SUCO: variants seen among roughly 807,000 people sequenced by gnomAD.
SUCO encodes the protein SUN domain-containing ossification factor.
In SUCO, 57 loss-of-function variants were observed where a neutral mutation model predicts 148.1. The observed-to-expected ratio is 0.38, with a 90% CI of 0.31 to 0.48. The LOEUF (loss-of-function observed/expected upper bound fraction) is 0.48. Ranked by LOEUF, SUCO falls within the 20% of genes least tolerant of loss-of-function variation. The probability of loss-of-function intolerance (pLI) is 0.96; values close to 1 mark genes in which losing one functional copy is unlikely to be tolerated. For synonymous variants in SUCO, 470 were observed against 502.7 expected (o/e 0.93, Z 0.87); for missense variants, 1,331 against 1,468.2 (o/e 0.91, Z 1.53).
At chr1:172,576,955 C>T (rs1471613700) in intron 11 of SUCO, 6 of 683,044 alleles carry the variant, frequency 8.8e-6, no homozygotes, top group African/African-American at 5.9e-5. Context: ...AGCATACATT[C>T]GAAAGGCCAA....
intron 15 of SUCO, 28 bp from the exon 16 acceptor site, chr1:172,584,990 T>C: frequency 1.4e-6 from 2 of 1,416,302 alleles, no homozygotes; most frequent in Non-Finnish European, 2.0e-6. Flanking sequence ...AGGTATTTGG[T>C]ACTTTTTCTG....
intron 9 of SUCO, among the ~76,000 whole-genome samples, chr1:172,571,557 C>G (rs1343573338): frequency 1.3e-5 from 2 of 148,276 alleles, no homozygotes; most frequent in South Asian, 4.4e-4. Context: ...GCCTGGCTGC[C>G]CAGTCTGGAA....
chr1:172,587,448 AT>A (rs1238860790), intron 17 of SUCO, among the ~76,000 whole-genome samples: 1 of 151,994 alleles, frequency 6.6e-6, no homozygotes, highest in African/African-American at 2.4e-5. Context: ...TGTATTCAGT[AT>A]TTTTTACCAA....
intron 3 of SUCO, 115 bp downstream of exon 3, chr1:172,553,485 C>T: frequency 1.7e-6 from 1 of 576,382 alleles, no homozygotes; most frequent in Non-Finnish European, 2.8e-6. Flanking sequence ...CTTTGAGGTA[C>T]TCTGTAACTG....
chr1:172,555,691 G>A, intron 3 of SUCO, 178 bp from the exon 4 acceptor site: 1 of 232,572 alleles, frequency 4.3e-6, no homozygotes, highest in Non-Finnish European at 7.1e-6. Context: ...ATTTTCATAT[G>A]AAATGCATTC....
rs187800033 is a variant in SUCO, at chr1:172,541,533, G to T, written c.62+8036G>T. Among the ~76,000 whole-genome samples, 540 of 152,332 alleles carry T rather than the reference G, an allele frequency of 3.5e-3. 2 individuals are homozygous for T. Among genetic ancestry groups the T allele is most frequent in the African/African-American group, 0.013 (520 of 41,574 alleles). On this transcript the variant is annotated intron_variant, in intron 1 of 23. Coordinates refer to ENST00000263688, the MANE Select transcript of SUCO (RefSeq NM_014283.5). The stretch of plus-strand genomic sequence containing the variant: ...ACTTCATCTTGGCAGTAGAAATAAA[G>T]AACAGGGTACAATAAATAGAGATTT...
intron 8 of SUCO, 148 bp from the exon 9 acceptor site, chr1:172,570,515 T>A (rs1558189661): frequency 3.2e-6 from 2 of 619,292 alleles, no homozygotes; most frequent in Non-Finnish European, 5.7e-6. Context: ...TTAGCCACTT[T>A]TATGCTTTTT....
chr1:172,569,038 C>T lies in SUCO; in HGVS notation c.752C>T (p.Pro251Leu). 1 of 1,586,192 alleles carries T rather than the reference C, an allele frequency of 6.3e-7. No individual in the cohort carries two copies. The change falls in exon 7 of 24, where the codon CCA (proline) becomes CTA (leucine). Residue 251 changes from proline (P) to leucine (L), a missense_variant. By Grantham distance (98) the Pro-to-Leu change is moderately conservative (BLOSUM62 -3). Around this residue, in one of 3 missense-constraint regions of SUCO, gnomAD observed 992 missense variants for 1,093.5 expected, o/e 0.91. Transcript: ENST00000263688. ...LKNESSDYTK[P>L]GDIDPTSVAS... is the part of the protein sequence containing the mutation. ...TTTCAGAGCTCTGATTATACAAAAC[C>T]AGGAGACATTGACCCTACATCAGTA...
chr1:172,549,844 A>C (rs1653147618), intron 1 of SUCO, among the ~76,000 whole-genome samples: 1 of 151,882 alleles, frequency 6.6e-6, no homozygotes, highest in Non-Finnish European at 1.5e-5. Flanking sequence ...TTGCCACAAC[A>C]AGAAAAACTT....
chr1:172,558,053 CT>C (rs751586445), intron 6 of SUCO, among the ~76,000 whole-genome samples: 1 of 152,156 alleles, frequency 6.6e-6, no homozygotes, highest in Non-Finnish European at 1.5e-5. Flanking sequence ...CCACCCACAG[CT>C]GTTTGATAGC....
intron 6 of SUCO, among the ~76,000 whole-genome samples, chr1:172,560,724 T>C (rs1193063147): frequency 6.6e-6 from 1 of 152,180 alleles, no homozygotes; most frequent in East Asian, 1.9e-4. Context: ...CAAGTTTTGA[T>C]ACATAAGGGA....
rs553163553 is a variant in SUCO at position 172,606,403 on chromosome 1, CT to C, written c.3266-2343del. On this transcript the variant is annotated intron_variant, in intron 22 of 23. Transcript: ENST00000263688. ...TGGTTCTGTTCTTTTACTAGTTACC[CT>C]AGAAGTCAGAAGTATTAATGTTTGC... is the stretch of plus-strand genomic sequence containing the variant. 9.9e-5 allele frequency among the ~76,000 whole-genome samples: 15 copies of C among 151,518 alleles called. No individual in the cohort carries two copies. The South Asian group carries it at 3.1e-3, about 31-fold the overall frequency.
chr1:172,570,270 A>G, intron 8 of SUCO, 99 bp downstream of exon 8: 1 of 660,170 alleles, frequency 1.5e-6, no homozygotes, highest in East Asian at 3.2e-5. Context: ...AATGTGAGAT[A>G]TTTTCCTTAT....
chr1:172,569,078 T>C lies in SUCO; in HGVS notation c.792T>C (p.Asp264=), dbSNP rs1274063216. Residue 264 remains aspartate, a synonymous_variant, in exon 7 of 24, where the codon GAT becomes GAC. Transcript: ENST00000263688. ...IDPTSVASPK[D]PEDIPTFDEW... ...CTACATCAGTAGCAAGTCCCAAAGA[T>C]CCAGAAGATATACCAACATTTGATG... 1 of 1,596,466 alleles carries C rather than the reference T, an allele frequency of 6.3e-7. No individual in the cohort carries two copies. Among genetic ancestry groups the C allele is most frequent in the Non-Finnish European group, 8.5e-7 (1 of 1,173,272 alleles).
chr1:172,604,984 A>C (rs1349850400), intron 22 of SUCO, among the ~76,000 whole-genome samples: 1 of 151,828 alleles, frequency 6.6e-6, no homozygotes, highest in Non-Finnish European at 1.5e-5. Context: ...GTTCAGGGGT[A>C]TACAGATATC....
At chr1:172,569,705 A>C (rs34594399) in intron 7 of SUCO, among the ~76,000 whole-genome samples, 1 of 152,130 alleles carries the variant, frequency 6.6e-6, no homozygotes, top group Non-Finnish European at 1.5e-5. Flanking sequence ...TAAAAAAAAA[A>C]CAATAAAATA....
Position 172,610,319 on chromosome 1 carries a change from GTA to G in SUCO, c.*61_*62del. Reference sequence around the variant, plus strand: ...GTTGTTGTTCTTTGAAGAACAGTCTGTAGTATTTGAAGGGTTTGGGGGAGGGA... The same window carrying G: ...GTTGTTGTTCTTTGAAGAACAGTCTGGTATTTGAAGGGTTTGGGGGAGGGA... On this transcript the variant is annotated 3_prime_UTR_variant, in exon 24 of 24. Coordinates refer to ENST00000263688, the MANE Select transcript of SUCO (RefSeq NM_014283.5). 1 of 1,509,310 alleles carries G rather than the reference GTA, an allele frequency of 6.6e-7. No homozygotes were observed. Among genetic ancestry groups the G allele is most frequent in the South Asian group, 1.4e-5 (1 of 72,004 alleles). 93.5% of individuals were successfully genotyped at this position (1,509,310 alleles called of 1,614,324 possible). A position where few individuals can be genotyped will look rare whatever the true frequency, so the allele number is the denominator to read the frequency against.
Position 172,589,488 on chromosome 1 carries a change from C to T in SUCO, c.2387C>T (p.Thr796Ile). The stretch of plus-strand genomic sequence containing the variant: ...GAGAAACCATCTATTACCTATGAAA[C>T]AAATAAAGTTAATGAGTTAATGGAT... ...SIEKPSITYE[T>I]NKVNELMDNI... Residue 796 changes from threonine to isoleucine, a missense_variant, in exon 18 of 24, where the codon ACA (threonine) becomes ATA (isoleucine). By Grantham distance (89) the Thr-to-Ile change is moderately conservative. Transcript: ENST00000263688. 1 of 1,610,884 alleles carries T rather than the reference C, an allele frequency of 6.2e-7. No individual in the cohort carries two copies. The highest frequency in any genetic ancestry group is 1.3e-5 in the African/African-American group (1 of 74,670).
intron 17 of SUCO, among the ~76,000 whole-genome samples, chr1:172,587,367 G>A (rs2149259057): frequency 6.6e-6 from 1 of 152,064 alleles, no homozygotes; most frequent in Non-Finnish European, 1.5e-5. Context: ...AGTAGGTTTT[G>A]CCATGTGAAT....
Sources: gnomAD v4.1 joint callset for allele counts (sites outside exome capture counted in the v4.1 genomes callset) on GRCh38, gnomAD v4.1.1 for gene constraint, gnomAD v4.1.1 regional missense constraint, MANE v1.5 for transcripts, NCBI Gene and HGNC (gene_info 2026-07-23, HGNC 2026-07-21) for gene names.